Variants in TESK2 observed in about 807,000 individuals in gnomAD.
The protein encoded by TESK2 is testis associated actin remodelling kinase 2.
A neutral mutation model predicts 57.1 loss-of-function variants in TESK2; 39 were observed. The ratio of observed to expected loss-of-function variants is 0.68; its 90% CI spans 0.53 to 0.89. The LOEUF (loss-of-function observed/expected upper bound fraction) is 0.89. TESK2 is among the 40% of genes least tolerant of loss of function. The probability of loss-of-function intolerance (pLI) is 0.00; values close to 1 mark genes in which losing one functional copy is unlikely to be tolerated. For synonymous variants in TESK2, 249 were observed against 267.9 expected (o/e 0.93, Z 0.69); for missense variants, 646 against 732.1 (o/e 0.88, Z 1.36).
At chr1:45,397,369 A>G (rs1649411952) in intron 3 of TESK2, among the ~76,000 whole-genome samples, 1 of 152,194 alleles carries the variant, frequency 6.6e-6, no homozygotes, top group Non-Finnish European at 1.5e-5. Flanking sequence ...TCACAATGCT[A>G]TATTACCTCT....
chr1:45,461,153 TG>T, intron 1 of TESK2, among the ~76,000 whole-genome samples: 1 of 121,064 alleles, frequency 8.3e-6, no homozygotes, highest in African/African-American at 3.4e-5. Flanking sequence ...GAACTGCCCC[TG>T]GCCACTGTTT....
chr1:45,410,535 G>A (rs1649996912), intron 3 of TESK2, among the ~76,000 whole-genome samples: 1 of 151,924 alleles, frequency 6.6e-6, no homozygotes, highest in South Asian at 2.1e-4. Context: ...AACCTGAGAG[G>A]CAGAGGTTGT....
intron 2 of TESK2, among the ~76,000 whole-genome samples, chr1:45,426,971 G>A (rs929525472): frequency 3.9e-5 from 6 of 152,076 alleles, no homozygotes; most frequent in African/African-American, 9.7e-5. Flanking sequence ...GGCTGGGCAC[G>A]GTGGCTCACG....
intron 3 of TESK2, among the ~76,000 whole-genome samples, chr1:45,397,871 T>C (rs1157939825): frequency 6.6e-6 from 1 of 152,158 alleles, no homozygotes; most frequent in Non-Finnish European, 1.5e-5. Flanking sequence ...ATATAGCATT[T>C]AGTGTGCCAG....
intron 1 of TESK2, among the ~76,000 whole-genome samples, chr1:45,474,417 A>T (rs1043395357): frequency 1.3e-5 from 2 of 152,110 alleles, no homozygotes; most frequent in Non-Finnish European, 2.9e-5. Context: ...GCTTGAGGCC[A>T]AGACTTTGAG....
chr1:45,440,884 C>G (rs1651420354), intron 2 of TESK2, among the ~76,000 whole-genome samples: 1 of 152,162 alleles, frequency 6.6e-6, no homozygotes, highest in Admixed American at 6.5e-5. Flanking sequence ...TGAAGGCAGC[C>G]TTCAGCAAGA....
chr1:45,355,500 T>G, intron 4 of TESK2, 51 bp from the exon 5 acceptor site: 1 of 1,575,580 alleles, frequency 6.3e-7, no homozygotes, highest in South Asian at 1.2e-5. Flanking sequence ...ATATTTAGGC[T>G]AGTGGTGAAA....
chr1:45,370,181 T>C (rs1451392152), intron 4 of TESK2, among the ~76,000 whole-genome samples: 1 of 152,216 alleles, frequency 6.6e-6, no homozygotes, highest in Non-Finnish European at 1.5e-5. Flanking sequence ...AGAAAAGTAG[T>C]ATTATAGTAG....
Position 45,421,734 on chromosome 1 carries a change from T to C in TESK2, c.335A>G (p.Asn112Ser), listed in dbSNP as rs371806238. The change falls in exon 3 of 11, where the codon AAC (asparagine) becomes AGC (serine). Residue 112 changes from asparagine to serine, a missense_variant. By Grantham distance (46) the Asn-to-Ser change is conservative. Coordinates refer to ENST00000372086, the MANE Select transcript of TESK2 (RefSeq NM_007170.3). The part of the protein sequence containing the change: ...VQLMNRLSHP[N>S]ILRFMGVCVH... The stretch of plus-strand genomic sequence containing the variant: ...AAGGAAAAGCCATTACCTAAGGATG[T>C]TGGGATGGGAGAGTCTATTCATGAG... 1.2e-5 allele frequency: 20 copies of C among 1,613,936 alleles called. No individual in the cohort carries two copies. The highest frequency in any genetic ancestry group is 1.7e-5 in the Non-Finnish European group (20 of 1,179,968).
chr1:45,368,249 C>T (rs1396789363), intron 4 of TESK2, among the ~76,000 whole-genome samples: 2 of 152,114 alleles, frequency 1.3e-5, no homozygotes, highest in African/African-American at 4.8e-5. Flanking sequence ...CCCATCTTGG[C>T]CTCCCGAAGT....
intron 1 of TESK2, among the ~76,000 whole-genome samples, chr1:45,484,600 G>C (rs1653379394): frequency 6.6e-6 from 1 of 151,900 alleles, no homozygotes; most frequent in African/African-American, 2.4e-5. Flanking sequence ...GCCGGGCGTG[G>C]TGGTGCACGG....
chr1:45,427,297 G>A (rs1039003637), intron 2 of TESK2, among the ~76,000 whole-genome samples: 10 of 151,296 alleles, frequency 6.6e-5, no homozygotes, highest in Admixed American at 1.3e-4. Context: ...GGTAAGCCTC[G>A]TGCACTGTTG....
rs183678248 is a variant in TESK2, at chr1:45,460,095, T to C, written c.-86-2224A>G. On this transcript the variant is annotated intron_variant, in intron 1 of 10. Coordinates refer to ENST00000372086, the MANE Select transcript of TESK2 (RefSeq NM_007170.3). ...CAGGCAGGGGCTGAAAAACTTCCTA[T>C]TGGGTACTGTGTTCACTATCTCGGT... Among the ~76,000 whole-genome samples, 6 of 152,038 alleles carry C rather than the reference T, an allele frequency of 3.9e-5. No homozygotes were observed. The East Asian group carries it at 1.2e-3, about 29-fold the overall frequency.
intron 4 of TESK2, among the ~76,000 whole-genome samples, chr1:45,378,179 T>A (rs1648516316): frequency 6.6e-6 from 1 of 151,972 alleles, no homozygotes; most frequent in Non-Finnish European, 1.5e-5. Flanking sequence ...TACAGAGAGA[T>A]CTGAGAGTTA....
Position 45,343,922 on chromosome 1 carries a change from C to T in TESK2, c.*918G>A. 1 of 426,948 alleles carries T rather than the reference C, an allele frequency of 2.3e-6. No homozygotes were observed. The highest frequency in any genetic ancestry group is 4.1e-6 in the Non-Finnish European group (1 of 243,126). 26.4% of individuals were successfully genotyped at this position (426,948 alleles called of 1,614,324 possible). A position where few individuals can be genotyped will look rare whatever the true frequency, so the allele number is the denominator to read the frequency against. On this transcript the variant is annotated 3_prime_UTR_variant, in exon 11 of 11. Transcript: ENST00000372086. The surrounding 1 kb of genome is among the most constrained non-coding windows in gnomAD (Gnocchi z 4.3). Reference sequence around the variant, plus strand: ...ACTTTATTTTTAAGTCTGAAAATGTCTTGGGAAAGTTTTACAAAAAAAAAA... The same window carrying T: ...ACTTTATTTTTAAGTCTGAAAATGTTTTGGGAAAGTTTTACAAAAAAAAAA...
chr1:45,345,041 T>TATG lies in TESK2; in HGVS notation c.1514_1515insCAT (p.Pro505_Ala506insIle). The TATG allele has an allele frequency of 6.2e-7, 1 of 1,614,234 alleles. No individual in the cohort carries two copies. Among genetic ancestry groups the TATG allele is most frequent in the Non-Finnish European group, 8.5e-7 (1 of 1,180,044 alleles). On this transcript the variant is annotated inframe_insertion, in exon 11 of 11. Transcript: ENST00000372086. ...CCATAGCCTCATGGGCTTGAGCAGC[T>TATG]GGTAGGGCAGATGCCCGGAATGGTG...
chr1:45,446,444 G>C (rs1651651738), intron 2 of TESK2, among the ~76,000 whole-genome samples: 1 of 151,798 alleles, frequency 6.6e-6, no homozygotes, highest in Non-Finnish European at 1.5e-5. Flanking sequence ...CTGGGCAACA[G>C]AAAGAGACCC....
At chr1:45,485,811 G>A (rs1430443049) in intron 1 of TESK2, among the ~76,000 whole-genome samples, 10 of 151,506 alleles carry the variant, frequency 6.6e-5, no homozygotes, top group Admixed American at 3.3e-4. Flanking sequence ...ATGAGCCACC[G>A]CACCCAGCCC....
chr1:45,388,922 G>T (rs548132489), intron 3 of TESK2, among the ~76,000 whole-genome samples: 1 of 151,966 alleles, frequency 6.6e-6, no homozygotes, highest in Non-Finnish European at 1.5e-5. Context: ...GGGTTTCACC[G>T]TGTTAGCTGA....
Sources: allele counts gnomAD v4.1 joint callset (sites outside exome capture counted in the v4.1 genomes callset), GRCh38; gene constraint gnomAD v4.1.1; non-coding constraint Gnocchi (gnomAD v3.1); transcripts MANE v1.5; gene names NCBI Gene and HGNC (gene_info 2026-07-23, HGNC 2026-07-21).